Variants in PPA2 observed in about 807,000 individuals in gnomAD.
PPA2 encodes inorganic pyrophosphatase 2, mitochondrial.
PPA2 carries 48 observed loss-of-function variants against 49.5 expected under a neutral mutation model. The ratio of observed to expected loss-of-function variants is 0.97; its 90% CI spans 0.77 to 1.23. The LOEUF (loss-of-function observed/expected upper bound fraction) is 1.23, where lower values mean the gene tolerates loss of function less well. Ranked by LOEUF, PPA2 falls within the 50% of genes most tolerant of loss-of-function variation. PPA2 has a pLI of 0.00. For synonymous variants in PPA2, 131 were observed against 139.9 expected (o/e 0.94, Z 0.45); for missense variants, 429 against 410.1 (o/e 1.05, Z -0.40).
intron 10 of PPA2, among the ~76,000 whole-genome samples, chr4:105,373,204 C>T (rs898656612): frequency 3.3e-5 from 5 of 152,260 alleles, no homozygotes; most frequent in African/African-American, 1.2e-4. Context: ...AAAATCTCTA[C>T]TCAGTTTGTG....
intron 6 of PPA2, among the ~76,000 whole-genome samples, chr4:105,433,785 T>C (rs771065035): frequency 1.6e-4 from 25 of 152,250 alleles, no homozygotes; most frequent in Non-Finnish European, 3.1e-4. Flanking sequence ...GTTTGGACTC[T>C]GGTTGCTTAA....
intron 7 of PPA2, among the ~76,000 whole-genome samples, chr4:105,401,080 G>T (rs1734343863): frequency 6.6e-6 from 1 of 152,042 alleles, no homozygotes. Flanking sequence ...CCAACAGTCA[G>T]TTCAATAACC....
intron 6 of PPA2, among the ~76,000 whole-genome samples, chr4:105,436,512 G>A (rs1724064737): frequency 6.7e-6 from 1 of 149,220 alleles, no homozygotes; most frequent in African/African-American, 2.5e-5. Flanking sequence ...AATAGTCAAA[G>A]CAATCCTAAG....
At chr4:105,394,792 A>G (rs1311918979) in intron 9 of PPA2, among the ~76,000 whole-genome samples, 2 of 152,150 alleles carry the variant, frequency 1.3e-5, no homozygotes, top group Non-Finnish European at 2.9e-5. Flanking sequence ...CTGGGGAAAC[A>G]CTCAAGTCTC....
At chr4:105,451,072 C>G (rs1722659343) in intron 3 of PPA2, among the ~76,000 whole-genome samples, 1 of 152,146 alleles carries the variant, frequency 6.6e-6, no homozygotes, top group South Asian at 2.1e-4. Context: ...ACCTCACCAG[C>G]TTCAACCAAT....
intron 10 of PPA2, among the ~76,000 whole-genome samples, chr4:105,384,119 A>T (rs998326207): frequency 6.6e-5 from 10 of 152,206 alleles, no homozygotes; most frequent in Admixed American, 6.5e-4. Context: ...GGCTCTAAGA[A>T]TCCGAAATCA....
intron 7 of PPA2, chr4:105,405,711 A>T (rs1235420370): frequency 2.4e-6 from 2 of 825,422 alleles, no homozygotes; most frequent in African/African-American, 1.8e-5. Context: ...CCTCAGGCTA[A>T]CCTACCTAAA....
intron 9 of PPA2, among the ~76,000 whole-genome samples, chr4:105,391,697 A>G (rs189088362): frequency 2.0e-5 from 3 of 152,324 alleles, no homozygotes; most frequent in Non-Finnish European, 4.4e-5. Context: ...GGAAGAGCCC[A>G]TGAGGCTGGA....
intron 7 of PPA2, among the ~76,000 whole-genome samples, chr4:105,407,830 T>C (rs897748458): frequency 6.6e-6 from 1 of 152,186 alleles, no homozygotes; most frequent in East Asian, 1.9e-4. Flanking sequence ...TGTTTGCTAA[T>C]GGCCTATGGT....
chr4:105,380,422 A>T (rs1733441838), intron 10 of PPA2, among the ~76,000 whole-genome samples: 1 of 152,174 alleles, frequency 6.6e-6, no homozygotes, highest in Non-Finnish European at 1.5e-5. Flanking sequence ...CAGTTTTACC[A>T]TCTTCTCAAA....
intron 3 of PPA2, among the ~76,000 whole-genome samples, chr4:105,452,447 C>T (rs1482364306): frequency 2.6e-5 from 4 of 152,174 alleles, no homozygotes; most frequent in Non-Finnish European, 5.9e-5. Flanking sequence ...CCTAGATTAA[C>T]CAGGCCCTAT....
chr4:105,412,819 A>G (rs986490210), intron 7 of PPA2, among the ~76,000 whole-genome samples: 5 of 152,376 alleles, frequency 3.3e-5, no homozygotes, highest in South Asian at 4.1e-4. Flanking sequence ...CAATCATTAA[A>G]AAGTCAGGAA....
chr4:105,412,828 A>G (rs1052602667), intron 7 of PPA2, among the ~76,000 whole-genome samples: 3 of 152,198 alleles, frequency 2.0e-5, no homozygotes, highest in Non-Finnish European at 4.4e-5. Flanking sequence ...AAAAGTCAGG[A>G]AACAACAGAT....
intron 6 of PPA2, among the ~76,000 whole-genome samples, chr4:105,437,166 G>A (rs1011383190): frequency 6.6e-6 from 1 of 152,076 alleles, no homozygotes; most frequent in Non-Finnish European, 1.5e-5. Flanking sequence ...AGAAATATAA[G>A]TGGCCAAGAA....
intron 6 of PPA2, among the ~76,000 whole-genome samples, chr4:105,433,463 T>C (rs1723907630): frequency 6.6e-6 from 1 of 152,116 alleles, no homozygotes; most frequent in Non-Finnish European, 1.5e-5. Flanking sequence ...GCTCTGGAGA[T>C]GGAAAATGGG....
intron 7 of PPA2, among the ~76,000 whole-genome samples, chr4:105,413,807 C>A (rs1722874103): frequency 6.6e-6 from 1 of 152,120 alleles, no homozygotes; most frequent in Admixed American, 6.5e-5. Flanking sequence ...ATAAAAACAT[C>A]TTTCTGACCA....
chr4:105,444,903 T>C (rs1724533217), intron 5 of PPA2, among the ~76,000 whole-genome samples: 3 of 152,212 alleles, frequency 2.0e-5, no homozygotes, highest in Admixed American at 2.0e-4. Context: ...GTAACTCATT[T>C]AATCTCAACA....
Position 105,369,574 on chromosome 4 carries a change from C to T in PPA2, c.*151G>A. On this transcript the variant is annotated 3_prime_UTR_variant, in exon 12 of 12. Coordinates refer to ENST00000341695, the MANE Select transcript of PPA2 (RefSeq NM_176869.3). ...GTCCAAAGGAGAGTAATTTAAAATT[C>T]TTACTGTTTATTTATATATTGCATA... 1 of 654,672 alleles carries T rather than the reference C, an allele frequency of 1.5e-6. No individual in the cohort carries two copies. The highest frequency in any genetic ancestry group is 2.6e-6 in the Non-Finnish European group (1 of 386,550). 40.6% of individuals were successfully genotyped at this position (654,672 alleles called of 1,614,324 possible).
chr4:105,459,080 G>A (rs1373509193), intron 1 of PPA2, among the ~76,000 whole-genome samples: 2 of 152,068 alleles, frequency 1.3e-5, no homozygotes, highest in Non-Finnish European at 2.9e-5. Context: ...TTAGATAAAT[G>A]TCTCTATTAC....
Sources: allele counts gnomAD v4.1 joint callset (sites outside exome capture counted in the v4.1 genomes callset), GRCh38; gene constraint gnomAD v4.1.1; transcripts MANE v1.5; gene names NCBI Gene and HGNC (gene_info 2026-07-23, HGNC 2026-07-21).